Variants in IQCH observed in about 807,000 individuals in gnomAD.
IQCH encodes IQ motif containing H, also known as IQ domain-containing protein H.
IQCH carries 98 observed loss-of-function variants against 117.0 expected under a neutral mutation model. That is an observed-to-expected ratio of 0.84 (90% CI 0.71 to 0.99). The LOEUF is 0.99. IQCH is among the 50% of genes least tolerant of loss of function. The pLI, the probability that IQCH is intolerant of heterozygous loss-of-function variation, is 0.00. For missense variants in IQCH, 1,102 were observed against 1,243.8 expected, an observed-to-expected ratio of 0.89 and a Z score of 1.72; for synonymous variants, 412 against 448.2, an observed-to-expected ratio of 0.92 and a Z score of 1.02.
intron 14 of IQCH, among the ~76,000 whole-genome samples, chr15:67,414,953 A>G (rs1391974880): frequency 2.0e-5 from 3 of 151,942 alleles, no homozygotes; most frequent in Non-Finnish European, 4.4e-5. Context: ...TTGCCATTCC[A>G]TTTTCCAGAG....
rs184732915 is a variant in IQCH, at chr15:67,279,569, G to A, written c.387+57G>A. On this transcript the variant is annotated intron_variant, in intron 4 of 20. Coordinates refer to ENST00000335894, the MANE Select transcript of IQCH (RefSeq NM_001031715.3). ...GTAGTTTAGTGATTGCCAGGGGCTG[G>A]GAGGAGCAGAGACTAGGAGTGACTT... The A allele has an allele frequency of 1.4e-3, 1,345 of 984,576 alleles. 2 individuals are homozygous for A. The highest frequency in any genetic ancestry group is 2.0e-3 in the Admixed American group (95 of 46,978). The allele number at this position is 984,576 out of a possible 1,614,324, so 61.0% of individuals were successfully genotyped here.
At chr15:67,355,071 T>C (rs908705494) in intron 6 of IQCH, among the ~76,000 whole-genome samples, 4 of 152,234 alleles carry the variant, frequency 2.6e-5, no homozygotes, top group African/African-American at 7.2e-5. Context: ...GACATACTTA[T>C]ACTAAATAAA....
At chr15:67,357,748 T>A (rs1183279450) in intron 7 of IQCH, among the ~76,000 whole-genome samples, 1 of 152,206 alleles carries the variant, frequency 6.6e-6, no homozygotes, top group African/African-American at 2.4e-5. Context: ...GATGTCTTAT[T>A]GTGAGGTTCT....
intron 18 of IQCH, among the ~76,000 whole-genome samples, chr15:67,482,867 T>C (rs1333130996): frequency 6.6e-6 from 1 of 152,176 alleles, no homozygotes; most frequent in African/African-American, 2.4e-5. Flanking sequence ...GGTACATAAG[T>C]AGACTGCAGT....
intron 14 of IQCH, among the ~76,000 whole-genome samples, chr15:67,409,689 A>G (rs1271514182): frequency 2.6e-5 from 4 of 152,248 alleles, no homozygotes; most frequent in Non-Finnish European, 4.4e-5. Context: ...CTTGCCACAC[A>G]GCCGAAATGG....
intron 20 of IQCH, among the ~76,000 whole-genome samples, chr15:67,495,944 C>T (rs2083794183): frequency 6.6e-6 from 1 of 152,186 alleles, no homozygotes; most frequent in South Asian, 2.1e-4. Context: ...TTTTCTGTCT[C>T]CTACTTAGTG....
chr15:67,324,137 T>C (rs965842666), intron 4 of IQCH, among the ~76,000 whole-genome samples: 1 of 150,876 alleles, frequency 6.6e-6, no homozygotes, highest in African/African-American at 2.4e-5. Context: ...AGAGATGGGG[T>C]TTCACCATGT....
At position 67,388,766 on chromosome 15, in the gene IQCH, A is replaced by G. The variant is rs921831316; in HGVS notation, c.1457-65A>G. 1 of 1,344,824 alleles carries G rather than the reference A, an allele frequency of 7.4e-7. No individual in the cohort carries two copies. The highest frequency in any genetic ancestry group is 1.4e-5 in the African/African-American group (1 of 69,242). The allele number at this position is 1,344,824 out of a possible 1,614,324, so 83.3% of individuals were successfully genotyped here. ...TTTTAAACTGCACAACACCAATCGGATGCCAGAGTTCATAATGTCATTTAC... is the reference window on the plus strand; with the variant it reads ...TTTTAAACTGCACAACACCAATCGGGTGCCAGAGTTCATAATGTCATTTAC... On this transcript the variant is annotated intron_variant, in intron 11 of 20. Transcript: ENST00000335894. This position sits in a 1 kb window ranked among gnomAD's most constrained non-coding sequence, Gnocchi z 5.5.
intron 4 of IQCH, among the ~76,000 whole-genome samples, chr15:67,280,179 T>C (rs185790318): frequency 1.2e-3 from 177 of 152,362 alleles, no homozygotes; most frequent in African/African-American, 3.8e-3. Flanking sequence ...TTCAGATATG[T>C]TCATGGCATG....
In IQCH at chr15:67,425,406, G is replaced by A. The variant is rs1042341428; in HGVS notation, c.2505+3829G>A. Among the ~76,000 whole-genome samples, 2 of 152,184 alleles carry A rather than the reference G, an allele frequency of 1.3e-5. No homozygotes were observed. Among genetic ancestry groups the A allele is most frequent in the Non-Finnish European group, 2.9e-5 (2 of 68,032 alleles). On this transcript the variant is annotated intron_variant, in intron 16 of 20. Coordinates refer to ENST00000335894, the MANE Select transcript of IQCH (RefSeq NM_001031715.3). The surrounding 1 kb of genome is among the most constrained non-coding windows in gnomAD (Gnocchi z 5.5). The stretch of plus-strand genomic sequence containing the variant: ...AGGTGGGTGGATCACGAGGTCAGGA[G>A]TTCAAGACCAGCTTGGCCAATATGG...
chr15:67,348,355 TCACACA>T (rs56134528), intron 6 of IQCH, among the ~76,000 whole-genome samples: 6 of 147,686 alleles, frequency 4.1e-5, no homozygotes, highest in African/African-American at 9.9e-5. Flanking sequence ...TCGCAAGCCA[TCACACA>T]CACACACACA....
At chr15:67,337,210 C>T in intron 5 of IQCH, 115 bp downstream of exon 5, 2 of 1,183,762 alleles carry the variant, frequency 1.7e-6, no homozygotes, top group Non-Finnish European at 2.4e-6. Context: ...CCTGGGTGGC[C>T]TCAGACAAGT....
chr15:67,379,397 T>C (rs1380612375), intron 10 of IQCH, among the ~76,000 whole-genome samples: 1 of 152,228 alleles, frequency 6.6e-6, no homozygotes, highest in Non-Finnish European at 1.5e-5. Flanking sequence ...TTGTAACTTG[T>C]AAGAGAACAA....
At chr15:67,255,692 A>T (rs534592918) in intron 1 of IQCH, among the ~76,000 whole-genome samples, 1 of 152,276 alleles carries the variant, frequency 6.6e-6, no homozygotes, top group South Asian at 2.1e-4. Flanking sequence ...GTCTAAGGTC[A>T]CTCTGTCAGG....
At chr15:67,462,326 G>A (rs2082818664) in intron 16 of IQCH, among the ~76,000 whole-genome samples, 1 of 151,628 alleles carries the variant, frequency 6.6e-6, no homozygotes, top group Admixed American at 6.6e-5. Context: ...CTACTCCGGA[G>A]GCTGAGGCAG....
Position 67,416,984 on chromosome 15 carries a change from C to T in IQCH, c.2151C>T (p.His717=), listed in dbSNP as rs552590760. The change falls in exon 15 of 21, where the codon CAC becomes CAT. Residue 717 remains histidine (H), a synonymous_variant. Transcript: ENST00000335894. This position sits in a 1 kb window ranked among gnomAD's most constrained non-coding sequence, Gnocchi z 5.1. ...SEELAGILAQ[H]AQPVNEKRFP... ...AGCTGGCGGGCATTTTAGCACAGCA[C>T]GCACAGCCAGTCAATGAGAAACGGT... 2.0e-5 allele frequency: 33 copies of T among 1,611,382 alleles called. No homozygotes were observed. Among genetic ancestry groups the T allele is most frequent in the African/African-American group, 2.7e-5 (2 of 74,898 alleles).
At position 67,465,069 on chromosome 15, in the gene IQCH, G is replaced by A; in HGVS notation, c.2506-58G>A. The stretch of plus-strand genomic sequence containing the variant: ...GTTTGGTCTGGTTAGGCAGAGGTGG[G>A]GCCTTCGCTGCTGTTTGCTGATTTC... On this transcript the variant is annotated intron_variant, in intron 16 of 20. Transcript: ENST00000335894. The surrounding 1 kb of genome is among the most constrained non-coding windows in gnomAD (Gnocchi z 5.9). 3 of 1,560,070 alleles carry A rather than the reference G, an allele frequency of 1.9e-6. No homozygotes were observed. The highest frequency in any genetic ancestry group is 1.2e-5 in the South Asian group (1 of 85,822).
chr15:67,481,279 A>G lies in IQCH; in HGVS notation c.2799+5461A>G, dbSNP rs1297583827. Among the ~76,000 whole-genome samples the G allele has an allele frequency of 6.6e-6, 1 of 152,254 alleles. No individual in the cohort carries two copies. The highest frequency in any genetic ancestry group is 2.4e-5 in the African/African-American group (1 of 41,476). ...AGGTTTAATTGACTCCCAGTTCTGC[A>G]TGCCTGGGGAGGTCTCAGGAAACTT... On this transcript the variant is annotated intron_variant, in intron 18 of 20. Transcript: ENST00000335894. The surrounding 1 kb of genome is among the most constrained non-coding windows in gnomAD (Gnocchi z 4.1).
Position 67,416,440 on chromosome 15 carries a change from C to T in IQCH, c.2098-491C>T, listed in dbSNP as rs1040695238. Among the ~76,000 whole-genome samples, 1 of 151,860 alleles carries T rather than the reference C, an allele frequency of 6.6e-6. No individual in the cohort carries two copies. Among genetic ancestry groups the T allele is most frequent in the African/African-American group, 2.4e-5 (1 of 41,292 alleles). On this transcript the variant is annotated intron_variant, in intron 14 of 20. Transcript: ENST00000335894. The surrounding 1 kb of genome is among the most constrained non-coding windows in gnomAD (Gnocchi z 5.1). ...GCTGAGGCAGGAGAATCACTTGAAC[C>T]CGGGAGGCAGAGGTTGCAGTGAGCC...
Sources: allele counts gnomAD v4.1 joint callset (sites outside exome capture counted in the v4.1 genomes callset), GRCh38; gene constraint gnomAD v4.1.1; non-coding constraint Gnocchi (gnomAD v3.1); transcripts MANE v1.5; gene names NCBI Gene and HGNC (gene_info 2026-07-23, HGNC 2026-07-21).